Variants in PCCB observed in about 807,000 individuals in gnomAD.
PCCB encodes the protein propionyl-CoA carboxylase subunit beta.
A neutral mutation model predicts 60.7 loss-of-function variants in PCCB; 43 were observed. The ratio of observed to expected loss-of-function variants is 0.71; its 90% CI spans 0.55 to 0.91. The LOEUF is 0.91. PCCB is among the 40% of genes least tolerant of loss of function. PCCB has a pLI of 0.00. For synonymous variants in PCCB, 276 were observed against 255.9 expected (o/e 1.08, Z -0.75); for missense variants, 766 against 702.8 (o/e 1.09, Z -1.02).
chr3:136,272,190 C>G (rs1040802952), intron 5 of PCCB, among the ~76,000 whole-genome samples: 8 of 152,108 alleles, frequency 5.3e-5, no homozygotes, highest in African/African-American at 1.7e-4. Context: ...TAAACCATCC[C>G]TGCATCTCTG....
chr3:136,283,618 T>A (rs1490304509), intron 5 of PCCB, among the ~76,000 whole-genome samples: 1 of 151,978 alleles, frequency 6.6e-6, no homozygotes, highest in Non-Finnish European at 1.5e-5. Context: ...GGAGAGAAAA[T>A]ACTTGCCTCA....
chr3:136,255,982 G>T lies in PCCB; in HGVS notation c.303+7G>T. ...GGCTGCTGATAAGAATAAGGTATTT[G>T]TTCAAATGGTGGTGTGAACACTTTT... On this transcript the variant is annotated splice_region_variant and intron_variant, in intron 2 of 14. Coordinates refer to ENST00000251654, the MANE Select transcript of PCCB (RefSeq NM_000532.5). 6.2e-7 allele frequency: 1 copy of T among 1,614,196 alleles called. No homozygotes were observed. Among genetic ancestry groups the T allele is most frequent in the Non-Finnish European group, 8.5e-7 (1 of 1,180,008 alleles).
intron 5 of PCCB, among the ~76,000 whole-genome samples, chr3:136,273,597 CTTTTTTTT>C: frequency 1.1e-4 from 5 of 45,224 alleles, no homozygotes; most frequent in Non-Finnish European, 1.7e-4. Context: ...TTTCTTTTTT[CTTTTTTTT>C]TTTTTTTTTT....
At chr3:136,317,720 CG>C (rs1934959826) in intron 10 of PCCB, among the ~76,000 whole-genome samples, 1 of 152,118 alleles carries the variant, frequency 6.6e-6, no homozygotes, top group Admixed American at 6.5e-5. Context: ...GTGGTGATGT[CG>C]TATTCACAGT....
chr3:136,316,807 G>A, intron 9 of PCCB, 134 bp from the exon 10 acceptor site: 1 of 1,013,816 alleles, frequency 9.9e-7, no homozygotes, highest in East Asian at 2.4e-5. Flanking sequence ...TGCTTCCTTG[G>A]AGAACCTGTG....
At chr3:136,297,782 C>T (rs927702303) in intron 7 of PCCB, among the ~76,000 whole-genome samples, 170 bp from the exon 8 acceptor site, 6 of 152,098 alleles carry the variant, frequency 3.9e-5, no homozygotes, top group Non-Finnish European at 8.8e-5. Flanking sequence ...AAGGATCACC[C>T]GGAAGGTATG....
intron 5 of PCCB, among the ~76,000 whole-genome samples, chr3:136,264,440 G>GTGTGTATGTATATATATATATATATATA: frequency 8.1e-6 from 1 of 123,782 alleles, no homozygotes; most frequent in Non-Finnish European, 1.8e-5. Flanking sequence ...ATGTGTGTGT[G>GTGTGTATGTATATATATATATATATATA]TATATATGTA....
At chr3:136,283,726 A>C in intron 5 of PCCB, 111 bp from the exon 6 acceptor site, 1 of 752,502 alleles carries the variant, frequency 1.3e-6, no homozygotes, top group South Asian at 1.5e-5. Flanking sequence ...TCCTGTATAG[A>C]ATTTCTGTGG....
chr3:136,264,417 GTCTC>G (rs200280111), intron 5 of PCCB, among the ~76,000 whole-genome samples: 1 of 121,442 alleles, frequency 8.2e-6, no homozygotes, highest in Non-Finnish European at 1.7e-5. Flanking sequence ...TTCTGTCTCT[GTCTC>G]TCATATATAT....
In PCCB at chr3:136,316,953, C is replaced by A. The variant is rs377660729; in HGVS notation, c.979C>A (p.Arg327Ser). ...TTTATTCCTGCAGGTTGTTGATGAG[C>A]GTGAATTTTTTGAGATCATGCCCAA... ...VDIIHSVVDEREFFEIMPNYA... is the reference protein window; with the variant it reads ...VDIIHSVVDESEFFEIMPNYA... Residue 327 changes from arginine (R) to serine (S), a missense_variant, in exon 10 of 15, where the codon CGT becomes AGT. Coordinates refer to ENST00000251654, the MANE Select transcript of PCCB (RefSeq NM_000532.5). The A allele has an allele frequency of 6.2e-7, 1 of 1,613,930 alleles. No individual in the cohort carries two copies. Among genetic ancestry groups the A allele is most frequent in the Non-Finnish European group, 8.5e-7 (1 of 1,179,926 alleles).
At chr3:136,299,732 A>ATGTGTATGTATAGGTATGCATGTG (rs1934142252) in intron 8 of PCCB, among the ~76,000 whole-genome samples, 6 of 149,408 alleles carry the variant, frequency 4.0e-5, no homozygotes, top group Admixed American at 2.6e-4. Flanking sequence ...ATGTATATGC[A>ATGTGTATGTATAGGTATGCATGTG]TGTGTATGTA....
intron 1 of PCCB, among the ~76,000 whole-genome samples, chr3:136,253,137 T>G (rs1490617730): frequency 7.4e-6 from 1 of 135,034 alleles, no homozygotes; most frequent in African/African-American, 2.8e-5. Context: ...TCACCCAGGC[T>G]GGAGTGCAGT....
At chr3:136,304,197 C>T (rs1420309298) in intron 9 of PCCB, among the ~76,000 whole-genome samples, 2 of 113,044 alleles carry the variant, frequency 1.8e-5, no homozygotes, top group African/African-American at 5.2e-5. Flanking sequence ...CTTTGTCACC[C>T]AGGCTGGAGT....
chr3:136,301,236 G>T, intron 9 of PCCB, 125 bp downstream of exon 9: 1 of 766,984 alleles, frequency 1.3e-6, no homozygotes, highest in South Asian at 1.4e-5. Context: ...GTCGGGAATA[G>T]GGTGGGCACA....
Position 136,303,707 on chromosome 3 carries a change from A to G in PCCB, c.966+2596A>G, listed in dbSNP as rs1376385442. On this transcript the variant is annotated intron_variant, in intron 9 of 14. Coordinates refer to ENST00000251654, the MANE Select transcript of PCCB (RefSeq NM_000532.5). ...CAACCCCTGCCTCCTGGGTTCAACC[A>G]ATTCTCCTGCATCAGACTCCCAAGT... 3.3e-5 allele frequency among the ~76,000 whole-genome samples: 4 copies of G among 121,434 alleles called. 1 individual carries two copies. Among genetic ancestry groups the G allele is most frequent in the African/African-American group, 1.0e-4 (4 of 39,900 alleles). 79.7% of individuals were successfully genotyped at this position (121,434 alleles called of 152,430 possible). A position where few individuals can be genotyped will look rare whatever the true frequency, so the allele number is the denominator to read the frequency against.
At chr3:136,311,205 G>A (rs145892379) in intron 9 of PCCB, among the ~76,000 whole-genome samples, 9 of 152,124 alleles carry the variant, frequency 5.9e-5, no homozygotes, top group Admixed American at 4.6e-4. Context: ...AACAATACTT[G>A]AGGAACAGGA....
At chr3:136,284,347 A>G (rs1282986496) in intron 6 of PCCB, among the ~76,000 whole-genome samples, 3 of 151,964 alleles carry the variant, frequency 2.0e-5, no homozygotes, top group Admixed American at 6.6e-5. Flanking sequence ...TTGCCATTTT[A>G]TTACATTGTG....
At chr3:136,293,608 T>C in intron 6 of PCCB, 148 bp from the exon 7 acceptor site, 1 of 716,658 alleles carries the variant, frequency 1.4e-6, no homozygotes, top group Non-Finnish European at 2.5e-6. Context: ...GGGTCTTTAG[T>C]TTGGAGTCGT....
chr3:136,260,621 G>A (rs1941795542), intron 4 of PCCB, 86 bp downstream of exon 4: 3 of 1,155,736 alleles, frequency 2.6e-6, no homozygotes, highest in Non-Finnish European at 3.9e-6. Flanking sequence ...AAGACACTGA[G>A]CTAGGTACTT....
Sources: allele counts gnomAD v4.1 joint callset (sites outside exome capture counted in the v4.1 genomes callset), GRCh38; gene constraint gnomAD v4.1.1; transcripts MANE v1.5; gene names NCBI Gene and HGNC (gene_info 2026-07-23, HGNC 2026-07-21).